The following SCEL variants were observed in gnomAD, a reference collection of about 807,000 sequenced individuals.
The protein encoded by SCEL is sciellin.
Under a neutral mutation model 117.6 loss-of-function variants are expected in SCEL, and 113 were observed. That is an observed-to-expected ratio of 0.96 (90% CI 0.83 to 1.12). The LOEUF (loss-of-function observed/expected upper bound fraction) is 1.12, where lower values mean the gene tolerates loss of function less well. Among genes scored for constraint, SCEL ranks in the 50% most tolerant of loss-of-function variants. SCEL has a pLI of 0.00. For synonymous variants in SCEL, 270 were observed against 256.2 expected, an observed-to-expected ratio of 1.05 and a Z score of -0.51; for missense variants, 785 against 810.8, an observed-to-expected ratio of 0.97 and a Z score of 0.39.
intron 1 of SCEL, among the ~76,000 whole-genome samples, chr13:77,555,199 C>G (rs1217560526): frequency 6.6e-6 from 1 of 152,140 alleles, no homozygotes; most frequent in Non-Finnish European, 1.5e-5. Context: ...TAATTCAGTT[C>G]TGGGGAACTG....
chr13:77,558,747 C>G (rs1256635423), intron 3 of SCEL, among the ~76,000 whole-genome samples: 1 of 139,772 alleles, frequency 7.2e-6, no homozygotes, highest in Non-Finnish European at 1.5e-5. Flanking sequence ...ACCGAGGAGG[C>G]AGAGGTTGCA....
intron 9 of SCEL, 55 bp from the exon 10 acceptor site, chr13:77,589,089 G>A: frequency 7.6e-7 from 1 of 1,313,752 alleles, no homozygotes; most frequent in Non-Finnish European, 1.1e-6. Context: ...GTTAATAGAT[G>A]CTAAAATTTA....
At chr13:77,639,657 T>C (rs967994617) in intron 30 of SCEL, among the ~76,000 whole-genome samples, 1 of 152,222 alleles carries the variant, frequency 6.6e-6, no homozygotes, top group Non-Finnish European at 1.5e-5. Context: ...TGTACCTGTT[T>C]CTTTTTTAAT....
chr13:77,556,702 T>C lies in SCEL; in HGVS notation c.150T>C (p.Pro50=), dbSNP rs2084677075. Residue 50 remains proline, a synonymous_variant, in exon 3 of 33, where the codon CCT becomes CCC. Transcript: ENST00000349847. The part of the protein sequence containing the change: ...LQDNSWIKKR[P]EEEKDENYGR... ...ATAACAGTTGGATAAAGAAACGCCC[T>C]GAAGAAGAAAAGTAAGCTGGTGTGG... 1.2e-5 allele frequency: 20 copies of C among 1,612,432 alleles called. No individual in the cohort carries two copies. Among genetic ancestry groups the C allele is most frequent in the Non-Finnish European group, 1.7e-5 (20 of 1,178,670 alleles).
intron 30 of SCEL, among the ~76,000 whole-genome samples, chr13:77,639,696 C>T (rs2090469531): frequency 6.6e-6 from 1 of 152,076 alleles, no homozygotes; most frequent in Non-Finnish European, 1.5e-5. Flanking sequence ...ATAATAGTGG[C>T]TTGTCAGGAA....
At chr13:77,616,479 C>A (rs528759631) in intron 24 of SCEL, among the ~76,000 whole-genome samples, 1 of 151,876 alleles carries the variant, frequency 6.6e-6, no homozygotes, top group Admixed American at 6.6e-5. Flanking sequence ...ATCAATCATT[C>A]TTTTAATAGT....
At chr13:77,612,456 C>CT (rs71102764) in intron 22 of SCEL, among the ~76,000 whole-genome samples, 85 of 93,560 alleles carry the variant, frequency 9.1e-4, no homozygotes, top group Non-Finnish European at 1.5e-3. Context: ...TTTTTCTTTT[C>CT]TTTTTTTTTT....
intron 5 of SCEL, among the ~76,000 whole-genome samples, chr13:77,567,141 A>AC (rs1462813013): frequency 2.0e-5 from 3 of 152,258 alleles, no homozygotes; most frequent in African/African-American, 7.2e-5. Flanking sequence ...AGAAAGACAA[A>AC]CAGGCAAAAG....
At chr13:77,622,742 G>A (rs561566416) in intron 27 of SCEL, among the ~76,000 whole-genome samples, 3 of 152,110 alleles carry the variant, frequency 2.0e-5, no homozygotes, top group Non-Finnish European at 4.4e-5. Context: ...TGCACCGGTA[G>A]TCCCAGTTAC....
chr13:77,550,387 A>AAT lies in SCEL; in HGVS notation c.-19-5445_-19-5444dup, dbSNP rs71203062. Among the ~76,000 whole-genome samples, 1,308 of 144,424 alleles carry AAT rather than the reference A, an allele frequency of 9.1e-3. 3 individuals are homozygous for AAT. Among genetic ancestry groups the AAT allele is most frequent in the Non-Finnish European group, 0.01 (676 of 66,282 alleles). 94.7% of individuals were successfully genotyped at this position (144,424 alleles called of 152,430 possible). On this transcript the variant is annotated intron_variant, in intron 1 of 32. Coordinates refer to ENST00000349847, the MANE Select transcript of SCEL (RefSeq NM_144777.3). ...GGTGACAGAATGAGACTTTGTCTAA[A>AAT]ATATATATATATATATATATATATA...
chr13:77,536,351 G>T (rs923949603), intron 1 of SCEL, among the ~76,000 whole-genome samples: 3 of 151,898 alleles, frequency 2.0e-5, no homozygotes, highest in Admixed American at 6.6e-5. Flanking sequence ...TGAGGTTTTT[G>T]TCTCCACCCT....
intron 1 of SCEL, among the ~76,000 whole-genome samples, chr13:77,542,571 A>G (rs566553919): frequency 4.6e-5 from 7 of 152,322 alleles, no homozygotes; most frequent in Non-Finnish European, 8.8e-5. Context: ...CTTTCTAACC[A>G]TCACAGAAGG....
intron 4 of SCEL, among the ~76,000 whole-genome samples, chr13:77,563,390 T>A (rs2085096129): frequency 1.3e-5 from 2 of 152,294 alleles, no homozygotes; most frequent in South Asian, 2.1e-4. Flanking sequence ...CATTTATGGA[T>A]TTAGTCCATG....
At chr13:77,631,471 C>T (rs890028703) in intron 28 of SCEL, among the ~76,000 whole-genome samples, 1 of 152,108 alleles carries the variant, frequency 6.6e-6, no homozygotes, top group African/African-American at 2.4e-5. Context: ...ACCAGTGAGA[C>T]ATGAATCTGT....
intron 27 of SCEL, among the ~76,000 whole-genome samples, chr13:77,627,123 C>G (rs1302023663): frequency 6.6e-6 from 1 of 152,090 alleles, no homozygotes; most frequent in Non-Finnish European, 1.5e-5. Context: ...GTGTTGATTT[C>G]CCTTGTTTCT....
chr13:77,575,158 A>G (rs2085866137), intron 9 of SCEL, among the ~76,000 whole-genome samples: 1 of 152,186 alleles, frequency 6.6e-6, no homozygotes, highest in Admixed American at 6.5e-5. Flanking sequence ...TACACTATGG[A>G]AAAAATCAAG....
rs1403678756 is a variant in SCEL at position 77,609,134 on chromosome 13, TC to T, written c.1277+20del. On this transcript the variant is annotated intron_variant, in intron 21 of 32. Coordinates refer to ENST00000349847, the MANE Select transcript of SCEL (RefSeq NM_144777.3). ...TACTGAAGGGTAAGATTTAATAAGC[TC>T]CCTTTTTTGTTTCATAGTAACCAAT... is the stretch of plus-strand genomic sequence containing the variant. 5 of 1,570,736 alleles carry T rather than the reference TC, an allele frequency of 3.2e-6. No homozygotes were observed. Among genetic ancestry groups the T allele is most frequent in the Non-Finnish European group, 4.3e-6 (5 of 1,160,878 alleles).
intron 4 of SCEL, among the ~76,000 whole-genome samples, chr13:77,560,322 C>T (rs1215453673): frequency 2.0e-5 from 3 of 151,642 alleles, no homozygotes. Context: ...CCTGTCGTCC[C>T]AGCTACTCCA....
Position 77,617,959 on chromosome 13 carries a change from A to C in SCEL, c.1572-45A>C, listed in dbSNP as rs771108379. On this transcript the variant is annotated intron_variant, in intron 26 of 32. Coordinates refer to ENST00000349847, the MANE Select transcript of SCEL (RefSeq NM_144777.3). ...CTTTATTGACCTAGCACAACCCCAAAATCTATTACCAATCTGAACTTTTTT... is the reference window on the plus strand; with the variant it reads ...CTTTATTGACCTAGCACAACCCCAACATCTATTACCAATCTGAACTTTTTT... 4.4e-6 allele frequency: 7 copies of C among 1,599,300 alleles called. No individual in the cohort carries two copies. In the African/African-American group the frequency reaches 8.1e-5, roughly 18 times the overall value.
Sources: gnomAD v4.1 joint callset for allele counts (sites outside exome capture counted in the v4.1 genomes callset) on GRCh38, gnomAD v4.1.1 for gene constraint, MANE v1.5 for transcripts, NCBI Gene and HGNC (gene_info 2026-07-23, HGNC 2026-07-21) for gene names.